Variants in CHRNA2 observed in about 807,000 individuals in gnomAD.
The protein encoded by CHRNA2 is cholinergic receptor nicotinic alpha 2 subunit.
In CHRNA2, 40 loss-of-function variants were observed where a neutral mutation model predicts 45.5. The observed-to-expected ratio is 0.88, with a 90% CI of 0.68 to 1.15. The LOEUF (loss-of-function observed/expected upper bound fraction) is 1.15, where lower values mean the gene tolerates loss of function less well. CHRNA2 is among the 50% of genes most tolerant of loss of function. The pLI is 0.00. For synonymous variants in CHRNA2, 301 were observed against 296.7 expected, an observed-to-expected ratio of 1.01 and a Z score of -0.15; for missense variants, 655 against 701.7, an observed-to-expected ratio of 0.93 and a Z score of 0.75.
Position 27,474,772 on chromosome 8 carries a change from C to T in CHRNA2, c.-136-3578G>A, listed in dbSNP as rs144580100. On this transcript the variant is annotated intron_variant, in intron 1 of 6. Coordinates refer to ENST00000407991, the MANE Select transcript of CHRNA2 (RefSeq NM_000742.4). ...CTTTATATAATGTGTAAACTCACAT[C>T]GCCCTGCAAATTATGCAGAATGTTT... Among the ~76,000 whole-genome samples, 390 of 152,350 alleles carry T rather than the reference C, an allele frequency of 2.6e-3. 2 individuals are homozygous for T. The highest frequency in any genetic ancestry group is 8.1e-3 in the African/African-American group (335 of 41,568).
chr8:27,461,904 G>A, intron 6 of CHRNA2, 150 bp from the exon 7 acceptor site: 5 of 1,095,656 alleles, frequency 4.6e-6, no homozygotes, highest in South Asian at 1.3e-5. Context: ...CAGGGAGCGG[G>A]GTGAGTGGAA....
intron 1 of CHRNA2, among the ~76,000 whole-genome samples, 193 bp downstream of exon 1, chr8:27,478,631 C>T (rs1444636246): frequency 1.3e-5 from 2 of 152,132 alleles, no homozygotes; most frequent in African/African-American, 4.8e-5. Flanking sequence ...AGGTGTTCAT[C>T]GTCACCTGGC....
At chr8:27,467,170 G>A (rs1812721395) in intron 5 of CHRNA2, 59 bp downstream of exon 5, 10 of 1,375,600 alleles carry the variant, frequency 7.3e-6, no homozygotes, top group Non-Finnish European at 1.0e-5. Context: ...CAAGGCCATG[G>A]ACCCGGCCCC....
intron 3 of CHRNA2, 73 bp downstream of exon 3, chr8:27,469,688 G>A (rs1230946393): frequency 6.4e-7 from 1 of 1,571,508 alleles, no homozygotes; most frequent in Non-Finnish European, 8.7e-7. Flanking sequence ...TGGGGTAGAG[G>A]AAGGAGCAGG....
In CHRNA2 at chr8:27,463,609, G is replaced by A. The variant is rs56189058; in HGVS notation, c.834C>T (p.Leu278=). 32 of 1,614,106 alleles carry A rather than the reference G, an allele frequency of 2.0e-5. No homozygotes were observed. Among genetic ancestry groups the A allele is most frequent in the Non-Finnish European group, 2.7e-5 (32 of 1,180,056 alleles). Reference sequence around the variant, plus strand: ...AGACCAGCACAGTGAGGCAGGAGATGAGCAGGCAGGGGATGATGAGGTTGA... The same window carrying A: ...AGACCAGCACAGTGAGGCAGGAGATAAGCAGGCAGGGGATGATGAGGTTGA... ...YTINLIIPCL[L]ISCLTVLVFY... Residue 278 remains leucine, a synonymous_variant, in exon 6 of 7, where the codon CTC becomes CTT. Transcript: ENST00000407991. This position sits in a 1 kb window ranked among gnomAD's most constrained non-coding sequence, Gnocchi z 6.1.
Position 27,473,526 on chromosome 8 carries a change from C to A in CHRNA2, c.-136-2332G>T, listed in dbSNP as rs1304056665. 8.6e-5 allele frequency among the ~76,000 whole-genome samples: 10 copies of A among 116,024 alleles called. 1 individual carries two copies. Among genetic ancestry groups the A allele is most frequent in the South Asian group, 3.0e-4 (1 of 3,328 alleles). The allele number at this position is 116,024 out of a possible 152,430, so 76.1% of individuals were successfully genotyped here. A position where few individuals can be genotyped will look rare whatever the true frequency, so the allele number is the denominator to read the frequency against. ...ACCAGCCTGGGCAACATAGTGAGAC[C>A]CCCCCCGCCGTCTCTACAAAAAATT... On this transcript the variant is annotated intron_variant, in intron 1 of 6. Transcript: ENST00000407991.
chr8:27,475,200 A>G (rs1013893106), intron 1 of CHRNA2: 1 of 152,234 alleles, frequency 6.6e-6, no homozygotes, highest in African/African-American at 2.4e-5. Flanking sequence ...ATCTCACAGC[A>G]GCAGGAGCTC....
chr8:27,461,027 A>G lies in CHRNA2; in HGVS notation c.*602T>C, dbSNP rs2292976. ...CCTGCCTCCCGCTTCCTCCCCTTCC[A>G]GAAGAGCCCTTATTACTCCCCTGCT... On this transcript the variant is annotated 3_prime_UTR_variant, in exon 7 of 7. Transcript: ENST00000407991. 0.85 allele frequency: 131,025 copies of G among 154,438 alleles called. 55,981 individuals carry two copies. Among genetic ancestry groups the G allele is most frequent in the Middle Eastern group, 0.94 (283 of 300 alleles). The allele number at this position is 154,438 out of a possible 1,614,324, so 9.6% of individuals were successfully genotyped here.
intron 1 of CHRNA2, among the ~76,000 whole-genome samples, chr8:27,473,504 A>G (rs1035664136): frequency 2.0e-5 from 3 of 149,378 alleles, no homozygotes; most frequent in Non-Finnish European, 4.4e-5. Context: ...GTTCAAAACC[A>G]GCCTGGGCAA....
rs542943244 is a variant in CHRNA2 at position 27,462,000 on chromosome 8, C to G, written c.1465-246G>C. On this transcript the variant is annotated intron_variant, in intron 6 of 6. Transcript: ENST00000407991. ...AGCCCCTCCACATGCCCAGACCTGT[C>G]CATATTATGCTCCTAGACTATAGGT... Among the ~76,000 whole-genome samples, 4 of 152,336 alleles carry G rather than the reference C, an allele frequency of 2.6e-5. No homozygotes were observed. In the South Asian group the frequency reaches 6.2e-4, roughly 24 times the overall value.
chr8:27,469,809 G>A lies in CHRNA2; in HGVS notation c.246C>T (p.Asp82=), dbSNP rs201244136. ...RWARPVPNTS[D]VVIVRFGLSI... is the part of the protein sequence containing the mutation. ...ACAGTCCAAAGCGCACAATCACCAC[G>A]TCTGAAGTGTTGGGCACCGGGCGCG... Residue 82 remains aspartate, a synonymous_variant, in exon 3 of 7, where the codon GAC becomes GAT. Coordinates refer to ENST00000407991, the MANE Select transcript of CHRNA2 (RefSeq NM_000742.4). The A allele has an allele frequency of 7.1e-5, 114 of 1,614,190 alleles. No individual in the cohort carries two copies. Among genetic ancestry groups the A allele is most frequent in the Admixed American group, 3.3e-4 (20 of 60,026 alleles).
chr8:27,461,385 T>C lies in CHRNA2; in HGVS notation c.*244A>G. The C allele has an allele frequency of 3.6e-6, 2 of 551,238 alleles. No homozygotes were observed. 34.1% of individuals were successfully genotyped at this position (551,238 alleles called of 1,614,324 possible). ...CTGCCCCACTTGGTCACCACACTAT[T>C]GCGACCTTCTGCAGAGCTTCCCCAG... On this transcript the variant is annotated 3_prime_UTR_variant, in exon 7 of 7. Coordinates refer to ENST00000407991, the MANE Select transcript of CHRNA2 (RefSeq NM_000742.4).
chr8:27,476,384 C>T (rs1386188022), intron 1 of CHRNA2, among the ~76,000 whole-genome samples: 7 of 152,230 alleles, frequency 4.6e-5, no homozygotes, highest in Non-Finnish European at 8.8e-5. Flanking sequence ...AGGCTTTTTA[C>T]AACTCTCCAC....
intron 4 of CHRNA2, chr8:27,467,541 G>C (rs1812737787): frequency 3.5e-6 from 2 of 570,028 alleles, no homozygotes; most frequent in South Asian, 4.0e-5. Flanking sequence ...GCTTTGCCTG[G>C]ACTTTAGTAG....
intron 3 of CHRNA2, 166 bp downstream of exon 3, chr8:27,469,595 C>T: frequency 6.5e-6 from 6 of 918,252 alleles, no homozygotes; most frequent in Non-Finnish European, 1.0e-5. Flanking sequence ...AGCTCCAGAG[C>T]TGGGAGAGGG....
At chr8:27,478,000 T>C (rs569406507) in intron 1 of CHRNA2, among the ~76,000 whole-genome samples, 3 of 152,046 alleles carry the variant, frequency 2.0e-5, no homozygotes, top group Non-Finnish European at 4.4e-5. Context: ...TTGAGCTCAC[T>C]TCCCTGTCCA....
At chr8:27,466,877 T>A (rs933917039) in intron 5 of CHRNA2, among the ~76,000 whole-genome samples, 1 of 152,198 alleles carries the variant, frequency 6.6e-6, no homozygotes. Flanking sequence ...CGATGCTGCC[T>A]GCCTGTCTGA....
At chr8:27,469,691 G>T in intron 3 of CHRNA2, 70 bp downstream of exon 3, 1 of 1,577,646 alleles carries the variant, frequency 6.3e-7, no homozygotes, top group African/African-American at 1.3e-5. Context: ...GGTAGAGGAA[G>T]GAGCAGGGGG....
intron 6 of CHRNA2, 26 bp from the exon 7 acceptor site, chr8:27,461,780 CAG>C (rs1812499889): frequency 6.2e-7 from 1 of 1,613,916 alleles, no homozygotes; most frequent in African/African-American, 1.3e-5. Context: ...CACACAGTGA[CAG>C]GGGCCAGGCC....
Sources: allele counts gnomAD v4.1 joint callset (sites outside exome capture counted in the v4.1 genomes callset), GRCh38; gene constraint gnomAD v4.1.1; non-coding constraint Gnocchi (gnomAD v3.1); transcripts MANE v1.5; gene names NCBI Gene and HGNC (gene_info 2026-07-23, HGNC 2026-07-21).